Variants in COL19A1 observed in about 807,000 individuals in gnomAD.
COL19A1 encodes collagen alpha-1(XIX) chain.
A neutral mutation model predicts 190.2 loss-of-function variants in COL19A1; 159 were observed. The observed-to-expected ratio is 0.84, with a 90% CI of 0.73 to 0.95. The LOEUF is 0.95. Ranked by LOEUF, COL19A1 falls within the 40% of genes least tolerant of loss-of-function variation. COL19A1 has a pLI of 0.00. For missense variants in COL19A1, 1,418 were observed against 1,431.9 expected (o/e 0.99, Z 0.16); for synonymous variants, 509 against 458.9 (o/e 1.11, Z -1.39).
At chr6:69,868,297 G>A (rs1767609208) in intron 1 of COL19A1, among the ~76,000 whole-genome samples, 1 of 151,984 alleles carries the variant, frequency 6.6e-6, no homozygotes, top group South Asian at 2.1e-4. Context: ...CCCTCTCTAA[G>A]TAGAGAGATC....
intron 2 of COL19A1, among the ~76,000 whole-genome samples, chr6:69,881,025 T>C (rs2149945789): frequency 6.6e-6 from 1 of 152,312 alleles, no homozygotes; most frequent in African/African-American, 2.4e-5. Flanking sequence ...TTCTTGATGA[T>C]AGCAAGGATT....
At chr6:70,054,981 A>G (rs1780410322) in intron 14 of COL19A1, among the ~76,000 whole-genome samples, 1 of 152,174 alleles carries the variant, frequency 6.6e-6, no homozygotes, top group Non-Finnish European at 1.5e-5. Flanking sequence ...AAACTAAATC[A>G]ATTGGCCAGC....
chr6:70,199,920 G>A (rs777832840), intron 49 of COL19A1, 184 bp downstream of exon 49: 14 of 580,782 alleles, frequency 2.4e-5, no homozygotes, highest in Middle Eastern at 4.2e-4. Context: ...CATTCTAGAA[G>A]TAGATGTTTA....
At chr6:70,183,039 T>C (rs1766278841) in intron 44 of COL19A1, among the ~76,000 whole-genome samples, 1 of 151,924 alleles carries the variant, frequency 6.6e-6, no homozygotes, top group Non-Finnish European at 1.5e-5. Context: ...GTTGTCCAAG[T>C]GTGAGGAGTG....
intron 14 of COL19A1, chr6:70,059,936 T>A (rs565791763): frequency 1.4e-4 from 46 of 338,488 alleles, no homozygotes; most frequent in South Asian, 1.1e-3. Flanking sequence ...AGAAAAAAAA[T>A]CCACAGGCTA....
chr6:69,995,845 G>T (rs1185640775), intron 11 of COL19A1, among the ~76,000 whole-genome samples: 1 of 152,148 alleles, frequency 6.6e-6, no homozygotes, highest in Non-Finnish European at 1.5e-5. Flanking sequence ...TATTTCGTTA[G>T]ATTAAGTCCT....
intron 11 of COL19A1, among the ~76,000 whole-genome samples, chr6:69,990,148 G>A (rs536729172): frequency 6.6e-6 from 1 of 152,184 alleles, no homozygotes; most frequent in South Asian, 2.1e-4. Context: ...AAACACAAAA[G>A]TGTGCAGAAT....
At chr6:69,867,465 C>CA (rs1040081354) in intron 1 of COL19A1, 2 of 152,758 alleles carry the variant, frequency 1.3e-5, no homozygotes, top group African/African-American at 2.4e-5. Context: ...CCTCCGCTGT[C>CA]AGAGTCCCGA....
intron 2 of COL19A1, among the ~76,000 whole-genome samples, chr6:69,883,066 A>G (rs1203401382): frequency 6.6e-6 from 1 of 152,236 alleles, no homozygotes; most frequent in Non-Finnish European, 1.5e-5. Context: ...ACATTTAAGC[A>G]GAGGCATGAA....
At chr6:69,939,827 A>G (rs1773352803) in intron 9 of COL19A1, among the ~76,000 whole-genome samples, 1 of 152,176 alleles carries the variant, frequency 6.6e-6, no homozygotes, top group Admixed American at 6.6e-5. Flanking sequence ...TCCATACATA[A>G]GTTTTCTTAT....
intron 27 of COL19A1, 48 bp from the exon 28 acceptor site, chr6:70,149,656 T>C: frequency 6.2e-7 from 1 of 1,604,070 alleles, no homozygotes; most frequent in Non-Finnish European, 8.5e-7. Flanking sequence ...GGATAATTTA[T>C]GGACATTCTT....
At chr6:70,021,980 G>A (rs111456517) in intron 11 of COL19A1, among the ~76,000 whole-genome samples, 3,013 of 151,990 alleles carry the variant, frequency 0.02, 75 homozygotes, top group African/African-American at 0.065. Context: ...TATTGTATGC[G>A]TTTCTTATGT....
chr6:70,063,559 G>A (rs9454956), intron 14 of COL19A1, among the ~76,000 whole-genome samples: 5,011 of 151,690 alleles, frequency 0.033, 279 homozygotes, highest in East Asian at 0.21. Context: ...CCCCAACATC[G>A]CAATTAAAAG....
At chr6:70,143,366 G>A (rs1431062039) in intron 23 of COL19A1, among the ~76,000 whole-genome samples, 1 of 152,008 alleles carries the variant, frequency 6.6e-6, no homozygotes, top group Non-Finnish European at 1.5e-5. Flanking sequence ...TTCATTATCC[G>A]GATCAGCTTT....
chr6:69,916,000 G>A (rs1159017069), intron 4 of COL19A1, among the ~76,000 whole-genome samples: 6 of 143,882 alleles, frequency 4.2e-5, no homozygotes, highest in East Asian at 2.0e-4. Flanking sequence ...GCAGTGGCGC[G>A]ATCTCAGCTC....
chr6:70,068,665 C>A (rs1781387479), intron 15 of COL19A1, among the ~76,000 whole-genome samples, 189 bp downstream of exon 15: 1 of 151,878 alleles, frequency 6.6e-6, no homozygotes, highest in South Asian at 2.1e-4. Flanking sequence ...CTATATTTTT[C>A]AAGATTGGCA....
At chr6:70,141,794 T>A in intron 20 of COL19A1, 99 bp from the exon 21 acceptor site, 1 of 783,908 alleles carries the variant, frequency 1.3e-6, no homozygotes, top group Non-Finnish European at 2.1e-6. Flanking sequence ...TTTCCCTTTT[T>A]ATTGTATGTT....
At chr6:70,062,712 C>G (rs1780912746) in intron 14 of COL19A1, among the ~76,000 whole-genome samples, 1 of 152,126 alleles carries the variant, frequency 6.6e-6, no homozygotes, top group African/African-American at 2.4e-5. Context: ...CAAGACCCAT[C>G]AGTGTGCTGT....
chr6:70,071,722 G>A (rs3793045), intron 15 of COL19A1, among the ~76,000 whole-genome samples: 2,296 of 152,092 alleles, frequency 0.015, 51 homozygotes, highest in South Asian at 0.064. Flanking sequence ...TTCAGATCAC[G>A]ATGAGGGAGA....
Sources: allele counts gnomAD v4.1 joint callset (sites outside exome capture counted in the v4.1 genomes callset), GRCh38; gene constraint gnomAD v4.1.1; transcripts MANE v1.5; gene names NCBI Gene and HGNC (gene_info 2026-07-23, HGNC 2026-07-21).